The following PPARGC1A variants were observed in gnomAD, a reference collection of about 807,000 sequenced individuals.
PPARGC1A encodes PPARG coactivator 1 alpha, also known as peroxisome proliferator-activated receptor gamma coactivator 1-alpha.
A neutral mutation model predicts 88.7 loss-of-function variants in PPARGC1A; 25 were observed. The observed-to-expected ratio is 0.28, with a 90% CI of 0.21 to 0.39. The LOEUF (loss-of-function observed/expected upper bound fraction) is 0.39. Ranked by LOEUF, PPARGC1A falls within the 10% of genes least tolerant of loss-of-function variation. The pLI is 1.00. For synonymous variants in PPARGC1A, 363 were observed against 355.6 expected (o/e 1.02, Z -0.24); for missense variants, 880 against 968.7 (o/e 0.91, Z 1.22).
At chr4:24,337,349 A>C in the PPARGC1A span, among the ~76,000 whole-genome samples, 11 of 152,242 alleles carry the variant, frequency 7.2e-5, no homozygotes, top group African/African-American at 2.7e-4. Context: ...ACTCGTGAAC[A>C]GCTACGGAGT....
the PPARGC1A span, among the ~76,000 whole-genome samples, chr4:24,098,714 A>G: frequency 6.6e-6 from 1 of 152,230 alleles, no homozygotes; most frequent in African/African-American, 2.4e-5. Context: ...ATGTCTTTCT[A>G]TAACTGTGTA....
chr4:24,203,076 G>C, the PPARGC1A span, among the ~76,000 whole-genome samples: 5 of 152,206 alleles, frequency 3.3e-5, no homozygotes, highest in African/African-American at 1.2e-4. Flanking sequence ...CAGACAGGCA[G>C]CTCTGAAAAG....
the PPARGC1A span, among the ~76,000 whole-genome samples, chr4:24,011,943 TTC>T: frequency 6.6e-6 from 1 of 152,194 alleles, no homozygotes; most frequent in African/African-American, 2.4e-5. Context: ...TACATTTAAA[TTC>T]TGTTTTTACA....
At chr4:24,114,558 G>A in the PPARGC1A span, among the ~76,000 whole-genome samples, 86 of 152,152 alleles carry the variant, frequency 5.7e-4, no homozygotes, top group Non-Finnish European at 1.0e-3. Context: ...ACAACTCAGG[G>A]ACTCATTCTT....
At chr4:24,159,979 A>AGT in the PPARGC1A span, among the ~76,000 whole-genome samples, 1 of 152,240 alleles carries the variant, frequency 6.6e-6, no homozygotes, top group East Asian at 1.9e-4. Context: ...AGTCCTGACT[A>AGT]GTGGAACACT....
At chr4:24,413,987 G>T in the PPARGC1A span, among the ~76,000 whole-genome samples, 1 of 152,136 alleles carries the variant, frequency 6.6e-6, no homozygotes, top group African/African-American at 2.4e-5. Flanking sequence ...GACAAGGCTG[G>T]TAAAAAGCAA....
chr4:23,957,423 T>A, the PPARGC1A span, among the ~76,000 whole-genome samples: 1 of 152,094 alleles, frequency 6.6e-6, no homozygotes, highest in Non-Finnish European at 1.5e-5. Flanking sequence ...TCAAGAAATA[T>A]GATAGATGAA....
the PPARGC1A span, among the ~76,000 whole-genome samples, chr4:24,253,762 A>G: frequency 1.4e-4 from 21 of 152,246 alleles, no homozygotes; most frequent in African/African-American, 5.1e-4. Flanking sequence ...GTTCAACAAA[A>G]GCAAATTGCA....
the PPARGC1A span, among the ~76,000 whole-genome samples, chr4:24,138,600 T>A: frequency 6.6e-6 from 1 of 152,168 alleles, no homozygotes; most frequent in Non-Finnish European, 1.5e-5. Flanking sequence ...TGAAATGCAC[T>A]TTCTTTTGCA....
chr4:24,228,017 G>A, the PPARGC1A span, among the ~76,000 whole-genome samples: 5 of 152,236 alleles, frequency 3.3e-5, no homozygotes, highest in East Asian at 9.7e-4. Flanking sequence ...TTGAATTTGG[G>A]AAGAACTGAG....
chr4:23,813,594 G>A (rs542703950), intron 8 of PPARGC1A, 96 bp downstream of exon 8: 42 of 1,180,704 alleles, frequency 3.6e-5, no homozygotes, highest in Non-Finnish European at 4.7e-5. Context: ...TCAGGGGCCA[G>A]AATGGCTGCA....
At chr4:23,908,726 AAATT>A (rs1322893494), upstream of PPARGC1A, among the ~76,000 whole-genome samples, 8 of 152,298 alleles carry the variant, frequency 5.3e-5, no homozygotes, top group Non-Finnish European at 1.2e-4. Flanking sequence ...TAAAAAATTA[AAATT>A]AAAACTAAAA....
the PPARGC1A span, among the ~76,000 whole-genome samples, chr4:24,161,959 T>TACAC: frequency 4.2e-5 from 5 of 118,832 alleles, no homozygotes; most frequent in East Asian, 1.0e-3. Flanking sequence ...GAAATTGTGA[T>TACAC]ATACACACAC....
At chr4:24,014,193 T>G in the PPARGC1A span, among the ~76,000 whole-genome samples, 1 of 152,116 alleles carries the variant, frequency 6.6e-6, no homozygotes, top group South Asian at 2.1e-4. Flanking sequence ...CAAATAAAGC[T>G]GAGTTCACGT....
the PPARGC1A span, among the ~76,000 whole-genome samples, chr4:24,301,728 C>A: frequency 3.3e-5 from 5 of 151,700 alleles, no homozygotes; most frequent in East Asian, 9.7e-4. Flanking sequence ...TCATTATCTA[C>A]ATTTATGGGG....
the PPARGC1A span, among the ~76,000 whole-genome samples, chr4:24,413,045 G>T: frequency 1.3e-5 from 2 of 152,094 alleles, no homozygotes; most frequent in African/African-American, 4.8e-5. Context: ...ATATTCAAAG[G>T]CAGTTTCTTG....
In PPARGC1A at chr4:23,813,762, C is replaced by T. The variant is rs762893416; in HGVS notation, c.1721G>A (p.Arg574Gln). ...RMRSRSRSFS[R>Q]HRSCSRSPYS... ...TGGTGATCGGGAACACGACCTGTGT[C>T]GAGAAAAGGACCTTGAACGAGAGCG... The change falls in exon 8 of 13, where the codon CGA (arginine) becomes CAA (glutamine). Residue 574 changes from arginine (R) to glutamine (Q), a missense_variant. Coordinates refer to ENST00000264867, the MANE Select transcript of PPARGC1A (RefSeq NM_013261.5). 6.2e-6 allele frequency: 10 copies of T among 1,613,186 alleles called. No homozygotes were observed. Among genetic ancestry groups the T allele is most frequent in the Admixed American group, 3.3e-5 (2 of 59,978 alleles).
the PPARGC1A span, among the ~76,000 whole-genome samples, chr4:24,292,487 T>C: frequency 6.7e-6 from 1 of 148,904 alleles, no homozygotes; most frequent in African/African-American, 2.5e-5. Context: ...GTGCACTCCT[T>C]CCTAACCCCT....
chr4:24,438,947 T>A, the PPARGC1A span, among the ~76,000 whole-genome samples: 6 of 152,110 alleles, frequency 3.9e-5, no homozygotes, highest in Non-Finnish European at 5.9e-5. Flanking sequence ...TGGAATGGAA[T>A]CTATTATATA....
Sources: gnomAD v4.1 joint callset for allele counts (sites outside exome capture counted in the v4.1 genomes callset) on GRCh38, gnomAD v4.1.1 for gene constraint, MANE v1.5 for transcripts, NCBI Gene and HGNC (gene_info 2026-07-23, HGNC 2026-07-21) for gene names.